HCN1: variants seen among roughly 807,000 people sequenced by gnomAD.
The protein encoded by HCN1 is hyperpolarization activated cyclic nucleotide gated potassium channel 1.
In HCN1, 13 loss-of-function variants were observed where a neutral mutation model predicts 78.9. The observed-to-expected ratio is 0.16, with a 90% CI of 0.11 to 0.26. HCN1 has a LOEUF of 0.26. HCN1 is among the 10% of genes least tolerant of loss of function. The pLI is 1.00. For synonymous variants in HCN1, 552 were observed against 455.5 expected (o/e 1.21, Z -2.70); for missense variants, 810 against 1,154.3 (o/e 0.70, Z 4.32).
chr5:45,483,182 C>A (rs1280511679), intron 2 of HCN1, among the ~76,000 whole-genome samples: 3 of 152,270 alleles, frequency 2.0e-5, no homozygotes, highest in Non-Finnish European at 2.9e-5. Context: ...GAGGAATCTG[C>A]AGATTGCTTT....
chr5:45,615,901 C>G (rs966953576), intron 2 of HCN1, among the ~76,000 whole-genome samples: 1 of 151,584 alleles, frequency 6.6e-6, no homozygotes, highest in Non-Finnish European at 1.5e-5. Flanking sequence ...TTATTCAACT[C>G]AAAACACCAA....
intron 2 of HCN1, among the ~76,000 whole-genome samples, chr5:45,578,658 C>T (rs1240432245): frequency 2.6e-5 from 4 of 151,846 alleles, no homozygotes; most frequent in Non-Finnish European, 1.5e-5. Flanking sequence ...ATTTACTAAC[C>T]CACTTAGTTC....
intron 2 of HCN1, among the ~76,000 whole-genome samples, chr5:45,504,988 T>C (rs1004035968): frequency 5.6e-4 from 86 of 152,340 alleles, no homozygotes; most frequent in African/African-American, 1.9e-3. Flanking sequence ...TCATTGTAGA[T>C]TCTGGATATT....
chr5:45,472,045 G>T (rs1447204388), intron 2 of HCN1, among the ~76,000 whole-genome samples: 1 of 151,794 alleles, frequency 6.6e-6, no homozygotes, highest in East Asian at 1.9e-4. Flanking sequence ...TCTTGGCCTG[G>T]CATTAAAGGT....
intron 3 of HCN1, among the ~76,000 whole-genome samples, chr5:45,456,541 C>T (rs1741033646): frequency 6.6e-6 from 1 of 151,884 alleles, no homozygotes; most frequent in African/African-American, 2.4e-5. Context: ...ATGAAATACC[C>T]TTGACTTGGG....
chr5:45,469,111 A>T (rs926708495), intron 2 of HCN1, among the ~76,000 whole-genome samples: 1 of 151,926 alleles, frequency 6.6e-6, no homozygotes, highest in African/African-American at 2.4e-5. Context: ...CTATTTTAAT[A>T]TGATAGGTTA....
intron 2 of HCN1, among the ~76,000 whole-genome samples, chr5:45,599,412 G>GGT (rs1478062847): frequency 2.0e-5 from 3 of 151,878 alleles, no homozygotes; most frequent in African/African-American, 7.3e-5. Context: ...CATGTCAGGG[G>GGT]GTGGGGGCTG....
intron 4 of HCN1, among the ~76,000 whole-genome samples, chr5:45,355,844 G>C (rs1363961245): frequency 6.6e-6 from 1 of 151,928 alleles, no homozygotes; most frequent in Non-Finnish European, 1.5e-5. Flanking sequence ...AATTTCACAG[G>C]GGGTGTGGTC....
intron 6 of HCN1, among the ~76,000 whole-genome samples, chr5:45,293,752 C>A (rs972630554): frequency 6.6e-6 from 1 of 151,890 alleles, no homozygotes; most frequent in Non-Finnish European, 1.5e-5. Flanking sequence ...TATAAAGACA[C>A]AGAACTCTGA....
intron 4 of HCN1, among the ~76,000 whole-genome samples, chr5:45,389,344 C>G (rs184568914): frequency 6.6e-6 from 1 of 152,124 alleles, no homozygotes; most frequent in African/African-American, 2.4e-5. Flanking sequence ...CCATTTCACC[C>G]TACAGTATTC....
At chr5:45,361,445 T>C (rs1747107272) in intron 4 of HCN1, among the ~76,000 whole-genome samples, 1 of 152,206 alleles carries the variant, frequency 6.6e-6, no homozygotes, top group Non-Finnish European at 1.5e-5. Context: ...CAGCTGTAGC[T>C]GGGCTTACAG....
intron 7 of HCN1, among the ~76,000 whole-genome samples, chr5:45,265,925 G>A (rs1579765522): frequency 1.3e-5 from 2 of 152,250 alleles, no homozygotes; most frequent in South Asian, 4.1e-4. Context: ...CCAAGGAACT[G>A]GGCTTAGTAG....
At chr5:45,620,136 G>T (rs1393422590) in intron 2 of HCN1, among the ~76,000 whole-genome samples, 1 of 151,918 alleles carries the variant, frequency 6.6e-6, no homozygotes, top group Non-Finnish European at 1.5e-5. Flanking sequence ...CAAAATACTT[G>T]CCCAGTACTC....
At chr5:45,530,252 T>C (rs1201809575) in intron 2 of HCN1, among the ~76,000 whole-genome samples, 1 of 151,942 alleles carries the variant, frequency 6.6e-6, no homozygotes, top group Admixed American at 6.6e-5. Flanking sequence ...TGAAAACACT[T>C]TATAAATCAT....
At chr5:45,379,384 A>G (rs1197384046) in intron 4 of HCN1, among the ~76,000 whole-genome samples, 3 of 152,106 alleles carry the variant, frequency 2.0e-5, no homozygotes, top group Non-Finnish European at 4.4e-5. Context: ...TCTGAATTGT[A>G]TCTAAGAAAT....
intron 5 of HCN1, among the ~76,000 whole-genome samples, chr5:45,312,919 C>G (rs1228517713): frequency 4.6e-5 from 7 of 152,206 alleles, no homozygotes; most frequent in Non-Finnish European, 1.0e-4. Context: ...CTGCCTGCCT[C>G]TGTAGACTCC....
chr5:45,588,581 A>G (rs947818617), intron 2 of HCN1, among the ~76,000 whole-genome samples: 2 of 152,056 alleles, frequency 1.3e-5, no homozygotes, highest in African/African-American at 4.8e-5. Flanking sequence ...CTCCTGCCCC[A>G]CCAGGCATTA....
At chr5:45,296,546 C>T (rs1175541286) in intron 6 of HCN1, among the ~76,000 whole-genome samples, 1 of 151,742 alleles carries the variant, frequency 6.6e-6, no homozygotes, top group East Asian at 1.9e-4. Flanking sequence ...GTATTCTAAG[C>T]TTCCATCTTA....
intron 6 of HCN1, among the ~76,000 whole-genome samples, chr5:45,293,442 G>A (rs1745421055): frequency 6.6e-6 from 1 of 151,858 alleles, no homozygotes; most frequent in Non-Finnish European, 1.5e-5. Flanking sequence ...GGTCAAGGCT[G>A]AGGTGAGCCT....
Sources: gnomAD v4.1 joint callset for allele counts (sites outside exome capture counted in the v4.1 genomes callset) on GRCh38, gnomAD v4.1.1 for gene constraint, MANE v1.5 for transcripts, NCBI Gene and HGNC (gene_info 2026-07-23, HGNC 2026-07-21) for gene names.